DOCK2: variants seen among roughly 807,000 people sequenced by gnomAD.
The protein encoded by DOCK2 is dedicator of cytokinesis protein 2.
Under a neutral mutation model 248.9 loss-of-function variants are expected in DOCK2, and 87 were observed. That is an observed-to-expected ratio of 0.35 (90% confidence interval 0.29 to 0.42). DOCK2 has a LOEUF of 0.42. Ranked by LOEUF, DOCK2 falls within the 10% of genes least tolerant of loss-of-function variation. The pLI, the probability that DOCK2 is intolerant of heterozygous loss-of-function variation, is 1.00. For missense variants in DOCK2, 1,747 were observed against 2,300.2 expected (o/e 0.76, Z 4.92); for synonymous variants, 805 against 821.6 (o/e 0.98, Z 0.35).
chr5:170,029,730 T>A (rs1391713572), intron 34 of DOCK2, among the ~76,000 whole-genome samples: 4 of 152,268 alleles, frequency 2.6e-5, no homozygotes, highest in African/African-American at 4.8e-5. Context: ...CTCTGATTTC[T>A]ATAATTCTCT....
chr5:169,809,183 A>G (rs1253940880), intron 26 of DOCK2, among the ~76,000 whole-genome samples: 15 of 151,912 alleles, frequency 9.9e-5, no homozygotes, highest in Admixed American at 9.2e-4. Flanking sequence ...TAGAGACGGC[A>G]TTTTACCATG....
At chr5:170,024,613 C>T (rs990969853) in intron 33 of DOCK2, among the ~76,000 whole-genome samples, 1 of 152,054 alleles carries the variant, frequency 6.6e-6, no homozygotes, top group African/African-American at 2.4e-5. Flanking sequence ...GTTACAGTAC[C>T]ACTATGAAGG....
intron 27 of DOCK2, among the ~76,000 whole-genome samples, chr5:169,946,400 A>T (rs1384478203): frequency 1.3e-5 from 2 of 152,152 alleles, no homozygotes; most frequent in Non-Finnish European, 2.9e-5. Context: ...AGCTACCTTT[A>T]TGTTTCTTCA....
chr5:169,744,337 C>T (rs1448881408), intron 22 of DOCK2, among the ~76,000 whole-genome samples: 1 of 152,108 alleles, frequency 6.6e-6, no homozygotes, highest in Non-Finnish European at 1.5e-5. Context: ...TTTTTCCTTC[C>T]AGTTCAGTCA....
Position 169,906,467 on chromosome 5 carries a change from AT to A in DOCK2, c.2799+65618del, listed in dbSNP as rs1774286638. ...AAACTGAGATTTTTAGATTTTTAAA[AT>A]TTATTTTATTTTGTTACGTTATGTT... is the stretch of plus-strand genomic sequence containing the variant. On this transcript the variant is annotated intron_variant, in intron 27 of 51. Coordinates refer to ENST00000520908, the MANE Select transcript of DOCK2 (RefSeq NM_004946.3). 2.6e-5 allele frequency among the ~76,000 whole-genome samples: 4 copies of A among 151,898 alleles called. No individual in the cohort carries two copies. In the South Asian group the frequency reaches 8.3e-4, roughly 32 times the overall value.
chr5:169,676,951 C>T (rs1316549099), intron 6 of DOCK2, among the ~76,000 whole-genome samples: 1 of 152,168 alleles, frequency 6.6e-6, no homozygotes, highest in East Asian at 1.9e-4. Context: ...GTACACCAGG[C>T]ACCATTTAAA....
chr5:169,673,056 A>C (rs1174492759), intron 5 of DOCK2, among the ~76,000 whole-genome samples: 1 of 152,172 alleles, frequency 6.6e-6, no homozygotes, highest in African/African-American at 2.4e-5. Flanking sequence ...CACAGGCATG[A>C]TTGATTAAAT....
At chr5:169,974,040 T>C (rs1303443654) in intron 27 of DOCK2, among the ~76,000 whole-genome samples, 1 of 152,230 alleles carries the variant, frequency 6.6e-6, no homozygotes, top group African/African-American at 2.4e-5. Context: ...CTTCATTGAC[T>C]TTTGAGGTAT....
chr5:169,699,264 A>G (rs1267657121), intron 11 of DOCK2, 118 bp from the exon 12 acceptor site: 2 of 871,406 alleles, frequency 2.3e-6, no homozygotes, highest in African/African-American at 1.7e-5. Context: ...CCCTGGGCTG[A>G]CATATGCAAA....
At chr5:169,745,164 GACAA>G (rs1477037340) in intron 22 of DOCK2, among the ~76,000 whole-genome samples, 2 of 152,188 alleles carry the variant, frequency 1.3e-5, no homozygotes, top group African/African-American at 4.8e-5. Context: ...CACAAAGAAA[GACAA>G]ACAGTGTGAT....
chr5:169,760,960 C>G (rs1561671261), intron 24 of DOCK2, among the ~76,000 whole-genome samples: 1 of 152,174 alleles, frequency 6.6e-6, no homozygotes. Flanking sequence ...GAAGAGCTAT[C>G]TCCCTTTTGA....
chr5:169,820,189 TG>T (rs976577202), intron 26 of DOCK2, among the ~76,000 whole-genome samples: 2 of 152,192 alleles, frequency 1.3e-5, no homozygotes, highest in African/African-American at 4.8e-5. Context: ...ACTGCACCTC[TG>T]GGGGCAAGGC....
intron 27 of DOCK2, among the ~76,000 whole-genome samples, chr5:169,909,412 A>G (rs549036737): frequency 1.1e-4 from 16 of 152,292 alleles, no homozygotes; most frequent in African/African-American, 3.9e-4. Context: ...ATGCTATCCA[A>G]TTTGCAATGA....
At chr5:169,657,990 C>T (rs1206496079) in intron 2 of DOCK2, among the ~76,000 whole-genome samples, 1 of 152,032 alleles carries the variant, frequency 6.6e-6, no homozygotes, top group Non-Finnish European at 1.5e-5. Flanking sequence ...AACTCAATGA[C>T]ATCACTTTCA....
intron 25 of DOCK2, among the ~76,000 whole-genome samples, chr5:169,793,552 A>G (rs939865563): frequency 1.3e-5 from 2 of 152,160 alleles, no homozygotes; most frequent in Non-Finnish European, 2.9e-5. Context: ...TGCCTGGTAG[A>G]CAGTCAGGGT....
intron 48 of DOCK2, 51 bp from the exon 49 acceptor site, chr5:170,078,924 T>G (rs747770955): frequency 5.0e-6 from 8 of 1,604,480 alleles, no homozygotes; most frequent in Non-Finnish European, 6.8e-6. Context: ...GCAAGGCAGT[T>G]CTACTGAAGC....
At chr5:169,859,621 G>A (rs1173305532) in intron 27 of DOCK2, among the ~76,000 whole-genome samples, 1 of 152,240 alleles carries the variant, frequency 6.6e-6, no homozygotes, top group East Asian at 1.9e-4. Flanking sequence ...GCTAATGAAG[G>A]TAAGAACGGG....
At chr5:170,043,136 C>G (rs911401162) in intron 38 of DOCK2, among the ~76,000 whole-genome samples, 1 of 152,234 alleles carries the variant, frequency 6.6e-6, no homozygotes, top group African/African-American at 2.4e-5. Context: ...AACTGCCATG[C>G]ACCCTATAGA....
intron 25 of DOCK2, among the ~76,000 whole-genome samples, chr5:169,791,121 C>G (rs1054033699): frequency 6.6e-6 from 1 of 152,200 alleles, no homozygotes; most frequent in African/African-American, 2.4e-5. Flanking sequence ...CCTTATTTGC[C>G]TTCAGCAAAC....
Sources: gnomAD v4.1 joint callset for allele counts (sites outside exome capture counted in the v4.1 genomes callset) on GRCh38, gnomAD v4.1.1 for gene constraint, MANE v1.5 for transcripts, NCBI Gene and HGNC (gene_info 2026-07-23, HGNC 2026-07-21) for gene names.